SLC25A11: variants seen among roughly 807,000 people sequenced by gnomAD.
SLC25A11 encodes mitochondrial 2-oxoglutarate/malate carrier protein.
A neutral mutation model predicts 32.7 loss-of-function variants in SLC25A11; 11 were observed. That is an observed-to-expected ratio of 0.34 (90% confidence interval 0.21 to 0.56). The LOEUF (loss-of-function observed/expected upper bound fraction) is 0.56, where lower values mean the gene tolerates loss of function less well. SLC25A11 is among the 20% of genes least tolerant of loss of function. SLC25A11 has a pLI of 0.90. For missense variants in SLC25A11, 295 were observed against 426.3 expected, an observed-to-expected ratio of 0.69 and a Z score of 2.71; for synonymous variants, 163 against 168.3, an observed-to-expected ratio of 0.97 and a Z score of 0.24.
In SLC25A11 at chr17:4,938,378, C is replaced by T. The variant is rs756762371; in HGVS notation, c.598G>A (p.Ala200Thr). Reference protein sequence around the residue: ...RAVVVNAAQLASYSQSKQFLL... With the variant: ...RAVVVNAAQLTSYSQSKQFLL... Reference sequence around the variant, plus strand: ...AACTGCTTGGATTGGGAGTAGGAGGCGAGCTGGGCAGCATTGACGACGACG... The same window carrying T: ...AACTGCTTGGATTGGGAGTAGGAGGTGAGCTGGGCAGCATTGACGACGACG... Residue 200 changes from alanine to threonine, a missense_variant, in exon 5 of 8, where the codon GCC becomes ACC. By Grantham distance (58) the Ala-to-Thr change is moderately conservative (BLOSUM62 0). Around this residue, in one of 3 missense-constraint regions of SLC25A11, gnomAD observed 142 missense variants for 197.8 expected, o/e 0.72. Coordinates refer to ENST00000225665, the MANE Select transcript of SLC25A11 (RefSeq NM_003562.5). The surrounding 1 kb of genome is among the most constrained non-coding windows in gnomAD (Gnocchi z 7.6). The T allele has an allele frequency of 4.3e-6, 7 of 1,614,072 alleles. No individual in the cohort carries two copies. The highest frequency in any genetic ancestry group is 5.1e-6 in the Non-Finnish European group (6 of 1,180,012).
Position 4,939,064 on chromosome 17 carries a change from T to G in SLC25A11, c.244A>C (p.Thr82Pro). The G allele has an allele frequency of 6.2e-7, 1 of 1,614,198 alleles. No homozygotes were observed. Among genetic ancestry groups the G allele is most frequent in the Non-Finnish European group, 8.5e-7 (1 of 1,180,024 alleles). Reference sequence around the variant, plus strand: ...TCCATCCTGAGGCCCCAATACCCAGTGTAAATGCCCCTCAGGCCTTCTGCC... The same window carrying G: ...TCCATCCTGAGGCCCCAATACCCAGGGTAAATGCCCCTCAGGCCTTCTGCC... ...LKAEGLRGIY[T>P]GLSAGLLRQA... The change falls in exon 2 of 8, where the codon ACT (threonine) becomes CCT (proline). Residue 82 changes from threonine (T) to proline (P), a missense_variant. Thr to Pro is a conservative substitution (Grantham distance 38). Coordinates refer to ENST00000225665, the MANE Select transcript of SLC25A11 (RefSeq NM_003562.5). The surrounding 1 kb of genome is among the most constrained non-coding windows in gnomAD (Gnocchi z 4.1).
In SLC25A11 at chr17:4,938,365, T is replaced by C; in HGVS notation, c.611A>G (p.Gln204Arg). ...VNAAQLASYS[Q>R]SKQFLLDSGY... ...TGAGTCCAGTAAGAACTGCTTGGATTGGGAGTAGGAGGCGAGCTGGGCAGC... is the reference window on the plus strand; with the variant it reads ...TGAGTCCAGTAAGAACTGCTTGGATCGGGAGTAGGAGGCGAGCTGGGCAGC... The change falls in exon 5 of 8, where the codon CAA becomes CGA. Residue 204 changes from glutamine to arginine, a missense_variant. This residue lies in a region of SLC25A11 where 142 missense variants were observed against 197.8 expected (regional missense o/e 0.72). Coordinates refer to ENST00000225665, the MANE Select transcript of SLC25A11 (RefSeq NM_003562.5). This position sits in a 1 kb window ranked among gnomAD's most constrained non-coding sequence, Gnocchi z 7.6. 6.2e-7 allele frequency: 1 copy of C among 1,614,008 alleles called. No individual in the cohort carries two copies. The highest frequency in any genetic ancestry group is 8.5e-7 in the Non-Finnish European group (1 of 1,179,990).
Position 4,939,896 on chromosome 17 carries a change from C to A in SLC25A11, c.15G>T (p.Ala5=). 8 of 1,610,386 alleles carry A rather than the reference C, an allele frequency of 5.0e-6. No homozygotes were observed. Among genetic ancestry groups the A allele is most frequent in the Non-Finnish European group, 6.8e-6 (8 of 1,179,044 alleles). MAAT[A]SAGAGGIDGK... ...CGTCTATCCCGCCGGCCCCGGCACT[C>A]GCCGTCGCCGCCATCGCCACTCAAT... Residue 5 remains alanine, a synonymous_variant, in exon 1 of 8, where the codon GCG becomes GCT. Transcript: ENST00000225665. This position sits in a 1 kb window ranked among gnomAD's most constrained non-coding sequence, Gnocchi z 4.1.
rs753701150 is a variant in SLC25A11, at chr17:4,939,213, C to G, written c.96-1G>C. ...CTGGACAAAAACTGTAGCTCCCATCCTGGGGGAAGACAGAGGTGGAGTGAA... is the reference window on the plus strand; with the variant it reads ...CTGGACAAAAACTGTAGCTCCCATCGTGGGGGAAGACAGAGGTGGAGTGAA... On this transcript the variant is annotated splice_acceptor_variant, in intron 1 of 7. Transcript: ENST00000225665. LOFTEE classifies it high-confidence loss of function. The surrounding 1 kb of genome is among the most constrained non-coding windows in gnomAD (Gnocchi z 4.1). The G allele has an allele frequency of 1.9e-6, 3 of 1,603,162 alleles. No homozygotes were observed. The highest frequency in any genetic ancestry group is 2.6e-6 in the Non-Finnish European group (3 of 1,171,072).
rs1281722708 is a variant in SLC25A11, at chr17:4,938,881, T to C, written c.343A>G (p.Thr115Ala). The change falls in exon 3 of 8, where the codon ACT (threonine) becomes GCT (alanine). Residue 115 changes from threonine (T) to alanine (A), a missense_variant. Physicochemically the swap from Thr to Ala is moderately conservative, Grantham distance 58. Around this residue, in one of 3 missense-constraint regions of SLC25A11, gnomAD observed 49 missense variants for 106.9 expected, o/e 0.46. Transcript: ENST00000225665. The surrounding 1 kb of genome is among the most constrained non-coding windows in gnomAD (Gnocchi z 7.6). ...LFERLTGADG[T>A]PPGFLLKAVI... is the part of the protein sequence containing the mutation. The stretch of plus-strand genomic sequence containing the variant: ...GCCTTCAGCAGAAAGCCAGGGGGAG[T>C]ACCATCAGCCCCAGTCAGGCGCTCA... 6.2e-7 allele frequency: 1 copy of C among 1,613,410 alleles called. No homozygotes were observed.
At position 4,939,168 on chromosome 17, in the gene SLC25A11, T is replaced by C. The variant is rs763131715; in HGVS notation, c.140A>G (p.Asn47Ser). ...CCCTTCCCCGCTCAACTGCATCCGG[T>C]TCTTCACCAGGTCCAGGGGCTGGAC... ...VFVQPLDLVK[N>S]RMQLSGEGAK... The change falls in exon 2 of 8, where the codon AAC (asparagine) becomes AGC (serine). Residue 47 changes from asparagine (N) to serine (S), a missense_variant. Asn to Ser is a conservative substitution (Grantham distance 46, BLOSUM62 1). This residue lies in a region of SLC25A11 where 104 missense variants were observed against 121.5 expected (regional missense o/e 0.86). Coordinates refer to ENST00000225665, the MANE Select transcript of SLC25A11 (RefSeq NM_003562.5). The surrounding 1 kb of genome is among the most constrained non-coding windows in gnomAD (Gnocchi z 4.1). 2 of 1,612,978 alleles carry C rather than the reference T, an allele frequency of 1.2e-6. No homozygotes were observed. Among genetic ancestry groups the C allele is most frequent in the South Asian group, 1.1e-5 (1 of 91,076 alleles).
In SLC25A11 at chr17:4,937,180, G is replaced by C. The variant is rs1341524416; in HGVS notation, c.*561C>G. ...TGCTGTGGCATGACAGATTTATACA[G>C]CATTTGCAAAAAACCAGCGGCTGCT... On this transcript the variant is annotated 3_prime_UTR_variant, in exon 8 of 8. Transcript: ENST00000225665. The C allele has an allele frequency of 6.6e-6, 1 of 152,202 alleles. No individual in the cohort carries two copies. Among genetic ancestry groups the C allele is most frequent in the African/African-American group, 2.4e-5 (1 of 41,414 alleles). 9.4% of individuals were successfully genotyped at this position (152,202 alleles called of 1,614,324 possible). A position where few individuals can be genotyped will look rare whatever the true frequency, so the allele number is the denominator to read the frequency against.
rs1036534974 is a variant in SLC25A11 at position 4,939,411 on chromosome 17, C to T, written c.96-199G>A. ...AAAAGTCTAGTTGTCCAGTAGGGGC[C>T]ATGCAATGAAAGTGCTCCAAGCAGC... On this transcript the variant is annotated intron_variant, in intron 1 of 7. Coordinates refer to ENST00000225665, the MANE Select transcript of SLC25A11 (RefSeq NM_003562.5). This position sits in a 1 kb window ranked among gnomAD's most constrained non-coding sequence, Gnocchi z 4.1. 1.3e-5 allele frequency: 8 copies of T among 630,178 alleles called. No homozygotes were observed. Among genetic ancestry groups the T allele is most frequent in the Non-Finnish European group, 2.2e-5 (8 of 367,290 alleles). 39.0% of individuals were successfully genotyped at this position (630,178 alleles called of 1,614,324 possible). A position where few individuals can be genotyped will look rare whatever the true frequency, so the allele number is the denominator to read the frequency against.
In SLC25A11 at chr17:4,938,719, T is replaced by C; in HGVS notation, c.455+50A>G. ...CGGGATAAAAAACTGGTCCTTTCATTCTAGATTCGAGGGAATGGGGCTGGG... is the reference window on the plus strand; with the variant it reads ...CGGGATAAAAAACTGGTCCTTTCATCCTAGATTCGAGGGAATGGGGCTGGG... On this transcript the variant is annotated intron_variant, in intron 3 of 7. Coordinates refer to ENST00000225665, the MANE Select transcript of SLC25A11 (RefSeq NM_003562.5). The surrounding 1 kb of genome is among the most constrained non-coding windows in gnomAD (Gnocchi z 7.6). 1 of 1,596,036 alleles carries C rather than the reference T, an allele frequency of 6.3e-7. No individual in the cohort carries two copies.
Position 4,937,908 on chromosome 17 carries a change from C to G in SLC25A11, c.790-12G>C, listed in dbSNP as rs1182298700. 1.9e-6 allele frequency: 3 copies of G among 1,612,430 alleles called. No individual in the cohort carries two copies. Among genetic ancestry groups the G allele is most frequent in the Non-Finnish European group, 2.5e-6 (3 of 1,179,052 alleles). ...TTGAACAGCACGTCCTAGACACAGA[C>G]AGGCAGGGCGCTGGGGCTAGGACTC... On this transcript the variant is annotated splice_polypyrimidine_tract_variant and intron_variant, in intron 7 of 7. Transcript: ENST00000225665.
rs746465049 is a variant in SLC25A11, at chr17:4,939,241, G to A, written c.96-29C>T. 3 of 1,588,950 alleles carry A rather than the reference G, an allele frequency of 1.9e-6. No homozygotes were observed. The Admixed American group carries it at 5.1e-5, about 27-fold the overall frequency. On this transcript the variant is annotated intron_variant, in intron 1 of 7. Transcript: ENST00000225665. This position sits in a 1 kb window ranked among gnomAD's most constrained non-coding sequence, Gnocchi z 4.1. ...GGGGAAGACAGAGGTGGAGTGAAGG[G>A]CCAGGCATTCCAGATCTACCAGTGC... is the stretch of plus-strand genomic sequence containing the variant.
In SLC25A11 at chr17:4,937,869, C is replaced by T. The variant is rs1468466553; in HGVS notation, c.817G>A (p.Glu273Lys). The change falls in exon 8 of 8, where the codon GAG becomes AAG. Residue 273 changes from glutamate to lysine, a missense_variant. Around this residue, in one of 3 missense-constraint regions of SLC25A11, gnomAD observed 142 missense variants for 197.8 expected, o/e 0.72. Transcript: ENST00000225665. ...LDVLFKVVRY[E>K]GFFSLWKGFT... Reference sequence around the variant, plus strand: ...CCCTTCCACAGGCTGAAGAAGCCCTCGTAGCGGACAACTTTGAACAGCACG... The same window carrying T: ...CCCTTCCACAGGCTGAAGAAGCCCTTGTAGCGGACAACTTTGAACAGCACG... 5 of 1,613,688 alleles carry T rather than the reference C, an allele frequency of 3.1e-6. No homozygotes were observed. The highest frequency in any genetic ancestry group is 4.2e-6 in the Non-Finnish European group (5 of 1,179,836).
At position 4,938,595 on chromosome 17, in the gene SLC25A11, C is replaced by T. The variant is rs771053325; in HGVS notation, c.463G>A (p.Ala155Thr). Residue 155 changes from alanine to threonine, a missense_variant, in exon 4 of 8, where the codon GCT (alanine) becomes ACT (threonine). This residue lies in a region of SLC25A11 where 49 missense variants were observed against 106.9 expected (regional missense o/e 0.46). Transcript: ENST00000225665. This position sits in a 1 kb window ranked among gnomAD's most constrained non-coding sequence, Gnocchi z 7.6. ...IRMTADGRLP[A>T]DQRRGYKNVF... Reference sequence around the variant, plus strand: ...TTTTTGTAGCCACGGCGCTGGTCAGCTGGAAGCCTGGTGGGAAGGCAGAAA... The same window carrying T: ...TTTTTGTAGCCACGGCGCTGGTCAGTTGGAAGCCTGGTGGGAAGGCAGAAA... 4 of 1,614,034 alleles carry T rather than the reference C, an allele frequency of 2.5e-6. No homozygotes were observed. The highest frequency in any genetic ancestry group is 4.5e-5 in the East Asian group (2 of 44,888).
chr17:4,939,663 C>A lies in SLC25A11; in HGVS notation c.95+153G>T, dbSNP rs908966874. On this transcript the variant is annotated intron_variant, in intron 1 of 7. Transcript: ENST00000225665. The surrounding 1 kb of genome is among the most constrained non-coding windows in gnomAD (Gnocchi z 4.1). ...GTCCATAAGGGTCCTGCAATGGGGC[C>A]CTAGCAGCCCATCGGGGAACTCGCA... 2 of 709,878 alleles carry A rather than the reference C, an allele frequency of 2.8e-6. No individual in the cohort carries two copies. The highest frequency in any genetic ancestry group is 3.2e-5 in the South Asian group (2 of 62,360). 44.0% of individuals were successfully genotyped at this position (709,878 alleles called of 1,614,324 possible). A position where few individuals can be genotyped will look rare whatever the true frequency, so the allele number is the denominator to read the frequency against.
rs1567652389 is a variant in SLC25A11, at chr17:4,939,224, CAG to C, written c.96-14_96-13del. ...CTGTAGCTCCCATCCTGGGGGAAGA[CAG>C]AGGTGGAGTGAAGGGCCAGGCATTC... On this transcript the variant is annotated splice_polypyrimidine_tract_variant and intron_variant, in intron 1 of 7. Coordinates refer to ENST00000225665, the MANE Select transcript of SLC25A11 (RefSeq NM_003562.5). The surrounding 1 kb of genome is among the most constrained non-coding windows in gnomAD (Gnocchi z 4.1). 5.6e-6 allele frequency: 9 copies of C among 1,599,728 alleles called. No individual in the cohort carries two copies. The highest frequency in any genetic ancestry group is 7.7e-6 in the Non-Finnish European group (9 of 1,168,732).
chr17:4,939,863 G>C lies in SLC25A11; in HGVS notation c.48C>G (p.Pro16=). The part of the protein sequence containing the change: ...SAGAGGIDGK[P]RTSPKSVKFL... ...ACTTGACGGACTTAGGGGAGGTACG[G>C]GGCTTCCCGTCTATCCCGCCGGCCC... Residue 16 remains proline (P), a synonymous_variant, in exon 1 of 8, where the codon CCC becomes CCG. Coordinates refer to ENST00000225665, the MANE Select transcript of SLC25A11 (RefSeq NM_003562.5). This position sits in a 1 kb window ranked among gnomAD's most constrained non-coding sequence, Gnocchi z 4.1. 1.2e-6 allele frequency: 2 copies of C among 1,612,446 alleles called. No individual in the cohort carries two copies. The highest frequency in any genetic ancestry group is 2.2e-5 in the East Asian group (1 of 44,762).
rs1161868776 is a variant in SLC25A11 at position 4,939,753 on chromosome 17, C to T, written c.95+63G>A. On this transcript the variant is annotated intron_variant, in intron 1 of 7. Transcript: ENST00000225665. The surrounding 1 kb of genome is among the most constrained non-coding windows in gnomAD (Gnocchi z 4.1). ...CACTGCAACAGACCCAGAGATGAAC[C>T]GGGCCCGGTTCCTTTTGCCCTTCCC... 10 of 1,324,844 alleles carry T rather than the reference C, an allele frequency of 7.5e-6. No homozygotes were observed. The highest frequency in any genetic ancestry group is 1.2e-5 in the South Asian group (1 of 82,340). The allele number at this position is 1,324,844 out of a possible 1,614,324, so 82.1% of individuals were successfully genotyped here. A position where few individuals can be genotyped will look rare whatever the true frequency, so the allele number is the denominator to read the frequency against.
Position 4,938,437 on chromosome 17 carries a change from G to A in SLC25A11, c.547-8C>T. On this transcript the variant is annotated splice_polypyrimidine_tract_variant and splice_region_variant and intron_variant, in intron 4 of 7. Coordinates refer to ENST00000225665, the MANE Select transcript of SLC25A11 (RefSeq NM_003562.5). The surrounding 1 kb of genome is among the most constrained non-coding windows in gnomAD (Gnocchi z 7.6). The stretch of plus-strand genomic sequence containing the variant: ...CATGGTAGGGATGCAGCCCTGGAGG[G>A]AGGGGAGCGGGGAAGAGTCAGAAAC... 14 of 1,614,170 alleles carry A rather than the reference G, an allele frequency of 8.7e-6. No homozygotes were observed. The highest frequency in any genetic ancestry group is 1.1e-5 in the Non-Finnish European group (13 of 1,180,008).
At position 4,938,507 on chromosome 17, in the gene SLC25A11, C is replaced by G. The variant is rs1178799332; in HGVS notation, c.546+5G>C. 6.2e-7 allele frequency: 1 copy of G among 1,613,788 alleles called. No individual in the cohort carries two copies. The highest frequency in any genetic ancestry group is 8.5e-7 in the Non-Finnish European group (1 of 1,179,854). On this transcript the variant is annotated splice_donor_5th_base_variant and intron_variant, in intron 4 of 7. Coordinates refer to ENST00000225665, the MANE Select transcript of SLC25A11 (RefSeq NM_003562.5). The surrounding 1 kb of genome is among the most constrained non-coding windows in gnomAD (Gnocchi z 7.6). ...AGCCCCCAAGTCTCCAGCCCCTCCA[C>G]TCACCCGCCACAGTGTGAGGACACC...
Sources: gnomAD v4.1 joint callset for allele counts on GRCh38, gnomAD v4.1.1 for gene constraint, gnomAD v4.1.1 regional missense constraint, Gnocchi (gnomAD v3.1) non-coding constraint, MANE v1.5 for transcripts, NCBI Gene and HGNC (gene_info 2026-07-23, HGNC 2026-07-21) for gene names.